The following VAV1 variants were observed in gnomAD, a reference collection of about 807,000 sequenced individuals.
VAV1 encodes proto-oncogene vav.
In VAV1, 33 loss-of-function variants were observed where a neutral mutation model predicts 128.1. The observed-to-expected ratio is 0.26, with a 90% CI of 0.20 to 0.34. The LOEUF (loss-of-function observed/expected upper bound fraction) is 0.34, where lower values mean the gene tolerates loss of function less well. Ranked by LOEUF, VAV1 falls within the 10% of genes least tolerant of loss-of-function variation. The pLI is 1.00. For missense variants in VAV1, 715 were observed against 1,093.7 expected, an observed-to-expected ratio of 0.65 and a Z score of 4.88; for synonymous variants, 394 against 409.8, an observed-to-expected ratio of 0.96 and a Z score of 0.47.
intron 13 of VAV1, 144 bp downstream of exon 13, chr19:6,829,044 G>C: frequency 1.1e-6 from 1 of 942,944 alleles, no homozygotes; most frequent in South Asian, 1.6e-5. Context: ...GGACAGGTGG[G>C]TGGAGTCGAC....
At chr19:6,833,651 G>A (rs1398859483) in intron 17 of VAV1, 26 bp downstream of exon 17, 1 of 1,613,976 alleles carries the variant, frequency 6.2e-7, no homozygotes, top group East Asian at 2.2e-5. Flanking sequence ...AGGCTGGGAG[G>A]TGAGCTTGGT....
At position 6,847,030 on chromosome 19, in the gene VAV1, C is replaced by T. The variant is rs918435288; in HGVS notation, c.2013-968C>T. Among the ~76,000 whole-genome samples, 4 of 151,684 alleles carry T rather than the reference C, an allele frequency of 2.6e-5. No individual in the cohort carries two copies. The East Asian group carries it at 7.7e-4, about 29-fold the overall frequency. ...CCGAGTTCAAGCGATTCTCTTGCCTCAGCCTCCTGAATAGCTGGGATTACA... is the reference window on the plus strand; with the variant it reads ...CCGAGTTCAAGCGATTCTCTTGCCTTAGCCTCCTGAATAGCTGGGATTACA... On this transcript the variant is annotated intron_variant, in intron 22 of 26. Coordinates refer to ENST00000602142, the MANE Select transcript of VAV1 (RefSeq NM_005428.4).
intron 1 of VAV1, among the ~76,000 whole-genome samples, chr19:6,773,506 C>T (rs1003679586): frequency 2.0e-5 from 3 of 152,206 alleles, no homozygotes; most frequent in Non-Finnish European, 2.9e-5. Context: ...CATCTTCCTT[C>T]CCCTTGGCTT....
At chr19:6,847,023 C>T (rs1232632201) in intron 22 of VAV1, among the ~76,000 whole-genome samples, 1 of 151,284 alleles carries the variant, frequency 6.6e-6, no homozygotes, top group African/African-American at 2.4e-5. Flanking sequence ...AAGCGATTCT[C>T]TTGCCTCAGC....
chr19:6,848,179 G>GTATCCAGGTTT, intron 23 of VAV1, 65 bp downstream of exon 23: 10 of 1,448,544 alleles, frequency 6.9e-6, no homozygotes, highest in Non-Finnish European at 9.2e-6. Context: ...GGGAAAAAGG[G>GTATCCAGGTTT]TATCCAGGTT....
rs918110766 is a variant in VAV1, at chr19:6,833,842, G to C, written c.1732-66G>C. Reference sequence around the variant, plus strand: ...CAGGATCCTTTGTGGGGTGAGGAGAGTAAGGGGGCCTACAAGCCCCCAGGC... The same window carrying C: ...CAGGATCCTTTGTGGGGTGAGGAGACTAAGGGGGCCTACAAGCCCCCAGGC... On this transcript the variant is annotated intron_variant, in intron 18 of 26. Transcript: ENST00000602142. 4 of 1,613,694 alleles carry C rather than the reference G, an allele frequency of 2.5e-6. No individual in the cohort carries two copies. In the East Asian group the frequency reaches 6.7e-5, roughly 27 times the overall value.
In VAV1 at chr19:6,832,259, G is replaced by T. The variant is rs905045313; in HGVS notation, c.1508+59G>T. The T allele has an allele frequency of 1.5e-4, 235 of 1,520,396 alleles. 1 individual carries two copies. Among genetic ancestry groups the T allele is most frequent in the South Asian group, 2.1e-4 (18 of 86,930 alleles). 94.2% of individuals were successfully genotyped at this position (1,520,396 alleles called of 1,614,324 possible). ...CAGAGGGGCAGGGGCTGGGAAGGAG[G>T]AACGTGATCTAGTCCCTACTCTGTC... On this transcript the variant is annotated intron_variant, in intron 15 of 26. Coordinates refer to ENST00000602142, the MANE Select transcript of VAV1 (RefSeq NM_005428.4).
At chr19:6,825,609 G>A (rs1352517106) in intron 8 of VAV1, among the ~76,000 whole-genome samples, 18 of 152,190 alleles carry the variant, frequency 1.2e-4, no homozygotes, top group Non-Finnish European at 2.9e-5. Context: ...CTGTGCTTCT[G>A]CTTCCTCATC....
chr19:6,784,829 T>G (rs987472722), intron 1 of VAV1, among the ~76,000 whole-genome samples: 1 of 152,008 alleles, frequency 6.6e-6, no homozygotes, highest in Non-Finnish European at 1.5e-5. Context: ...CCTCTCTTGG[T>G]CCAGTGCTGG....
intron 1 of VAV1, among the ~76,000 whole-genome samples, chr19:6,809,224 C>T (rs1172875462): frequency 1.3e-5 from 2 of 152,034 alleles, no homozygotes; most frequent in Admixed American, 6.6e-5. Context: ...TAGGCATGTG[C>T]CACCACACCT....
chr19:6,829,857 T>C lies in VAV1; in HGVS notation c.1337T>C (p.Phe446Ser). Residue 446 changes from phenylalanine (F) to serine (S), a missense_variant, in exon 14 of 27, where the codon TTT becomes TCT. By Grantham distance (155) the Phe-to-Ser change is radical. This residue lies in a region of VAV1 where 407 missense variants were observed against 580.6 expected (regional missense o/e 0.70). Coordinates refer to ENST00000602142, the MANE Select transcript of VAV1 (RefSeq NM_005428.4). ...RRGDSYDLKDFVNLHSFQVRD... is the reference protein window; with the variant it reads ...RRGDSYDLKDSVNLHSFQVRD... ...GGAGACTCCTATGACCTCAAGGACTTTGTAAACCTGCACAGCTTCCAGGTT... is the reference window on the plus strand; with the variant it reads ...GGAGACTCCTATGACCTCAAGGACTCTGTAAACCTGCACAGCTTCCAGGTT... The C allele has an allele frequency of 6.2e-7, 1 of 1,614,134 alleles. No individual in the cohort carries two copies. Among genetic ancestry groups the C allele is most frequent in the Non-Finnish European group, 8.5e-7 (1 of 1,180,012 alleles).
At chr19:6,776,480 T>C (rs1263628252) in intron 1 of VAV1, among the ~76,000 whole-genome samples, 712 of 70,546 alleles carry the variant, frequency 0.01, no homozygotes, top group Middle Eastern at 0.054. Flanking sequence ...ATCCATCCAT[T>C]CATCCATTCA....
At chr19:6,799,951 A>C (rs1659725730) in intron 1 of VAV1, among the ~76,000 whole-genome samples, 1 of 151,914 alleles carries the variant, frequency 6.6e-6, no homozygotes, top group African/African-American at 2.4e-5. Flanking sequence ...TCTCTTGAGT[A>C]AATGCCTGGT....
At chr19:6,779,395 T>C in intron 1 of VAV1, among the ~76,000 whole-genome samples, 1 of 151,030 alleles carries the variant, frequency 6.6e-6, no homozygotes, top group East Asian at 1.9e-4. Flanking sequence ...ACAGGAAAGA[T>C]GACACATGCC....
At chr19:6,806,276 G>A (rs548553561) in intron 1 of VAV1, among the ~76,000 whole-genome samples, 15 of 152,182 alleles carry the variant, frequency 9.9e-5, no homozygotes, top group Non-Finnish European at 1.8e-4. Flanking sequence ...TAGTAGAAAC[G>A]GGGTTTCACC....
At chr19:6,852,341 A>G (rs994158618) in intron 24 of VAV1, among the ~76,000 whole-genome samples, 2 of 152,202 alleles carry the variant, frequency 1.3e-5, no homozygotes, top group African/African-American at 4.8e-5. Context: ...TTGTAAATTA[A>G]GGCATGTGGC....
At chr19:6,787,614 A>ATT (rs1568284858) in intron 1 of VAV1, among the ~76,000 whole-genome samples, 1 of 145,126 alleles carries the variant, frequency 6.9e-6, no homozygotes, top group Non-Finnish European at 1.5e-5. Context: ...TTATTTATTT[A>ATT]AAGTCTAAGT....
intron 1 of VAV1, among the ~76,000 whole-genome samples, chr19:6,805,609 C>CACACACACAT (rs995636187): frequency 1.3e-5 from 2 of 151,322 alleles, no homozygotes; most frequent in African/African-American, 4.9e-5. Context: ...CACACACACA[C>CACACACACAT]ACACATACAC....
chr19:6,852,292 G>A (rs553784940), intron 24 of VAV1, among the ~76,000 whole-genome samples: 3 of 152,292 alleles, frequency 2.0e-5, no homozygotes, highest in Admixed American at 2.0e-4. Context: ...TGAGATTCCA[G>A]GCATGAGCCA....
Sources: allele counts gnomAD v4.1 joint callset (sites outside exome capture counted in the v4.1 genomes callset), GRCh38; gene constraint gnomAD v4.1.1; regional missense constraint gnomAD v4.1.1; transcripts MANE v1.5; gene names NCBI Gene and HGNC (gene_info 2026-07-23, HGNC 2026-07-21).